The following ARL17B variants were observed in gnomAD, a reference collection of about 807,000 sequenced individuals.
ARL17B encodes the protein ARF like GTPase 17B, also known as ADP-ribosylation factor-like protein 17.
At chr17:46,284,206 G>T (rs950852500) in intron 4 of ARL17B, among the ~76,000 whole-genome samples, 10 of 152,206 alleles carry the variant, frequency 6.6e-5, no homozygotes, top group African/African-American at 2.4e-4. Flanking sequence ...CCCTTCCCAC[G>T]AGGCCATATT....
Position 46,293,078 on chromosome 17 carries a change from T to G in ARL17B, c.*21+6448A>C, listed in dbSNP as rs1177452620. The stretch of plus-strand genomic sequence containing the variant: ...AAGTGATTCTCCTACCTCAGCCTCC[T>G]GAGTAGCTGGGATTATAGACACGCG... On this transcript the variant is annotated intron_variant, in intron 4 of 4. Transcript: ENST00000570618. The G allele has an allele frequency of 4.1e-5, 2 of 48,666 alleles. 1 individual carries two copies. Among genetic ancestry groups the G allele is most frequent in the Non-Finnish European group, 1.2e-4 (2 of 16,486 alleles). The allele number at this position is 48,666 out of a possible 1,614,324, so 3.0% of individuals were successfully genotyped here. A position where few individuals can be genotyped will look rare whatever the true frequency, so the allele number is the denominator to read the frequency against.
rs1317058698 is a variant in ARL17B, at chr17:46,351,831, A to T, written c.259+989T>A. Among the ~76,000 whole-genome samples the T allele has an allele frequency of 2.6e-5, 4 of 152,344 alleles. No homozygotes were observed. In the East Asian group the frequency reaches 5.8e-4, roughly 22 times the overall value. ...ACTCCAAATAAATTCTAAAATGAGA[A>T]ATTTGTAGATTCCATATGGTTAATA... On this transcript the variant is annotated intron_variant, in intron 3 of 3. Transcript: ENST00000450673.
chr17:46,300,034 G>C (rs2050291186), intron 3 of ARL17B, among the ~76,000 whole-genome samples: 1 of 38,114 alleles, frequency 2.6e-5, no homozygotes, highest in African/African-American at 5.7e-5. Flanking sequence ...AATTTGGTAG[G>C]CTCTCTTTAA....
chr17:46,340,544 TTTTG>T (rs1476373886), intron 3 of ARL17B, among the ~76,000 whole-genome samples: 35 of 63,276 alleles, frequency 5.5e-4, no homozygotes, highest in Non-Finnish European at 7.8e-4. Context: ...TTTTTTTGTG[TTTTG>T]TTTGTTTGTT....
chr17:46,276,807 T>TTCTTTTTTTTTTTTTTTTC (rs1567848897), intron 4 of ARL17B, among the ~76,000 whole-genome samples: 1 of 149,604 alleles, frequency 6.7e-6, no homozygotes, highest in Non-Finnish European at 1.5e-5. Context: ...TTTTTTTTTT[T>TTCTTTTTTTTTTTTTTTTC]GATTTGTTTG....
intron 3 of ARL17B, among the ~76,000 whole-genome samples, chr17:46,350,575 A>AAG (rs1318918111): frequency 1.2e-5 from 1 of 81,588 alleles, no homozygotes; most frequent in Non-Finnish European, 3.2e-5. Flanking sequence ...AAAAAAAAAA[A>AAG]GGGGGGGGGA....
intron 4 of ARL17B, among the ~76,000 whole-genome samples, chr17:46,290,941 T>G (rs1349937971): frequency 1.3e-5 from 2 of 152,220 alleles, no homozygotes; most frequent in Non-Finnish European, 2.9e-5. Context: ...AACCCAGCCC[T>G]ATGCACCAAT....
chr17:46,361,666 GGA>G lies in ARL17B; in HGVS notation c.-18+8_-18+9del. ...GTGCTGCCGCCCCATCCCTGCAGCC[GGA>G]GACTCACCTGTTGCCACTCAAGGTA... is the stretch of plus-strand genomic sequence containing the variant. On this transcript the variant is annotated splice_region_variant and intron_variant, in intron 1 of 3. Transcript: ENST00000450673. 1 of 93,070 alleles carries G rather than the reference GGA, an allele frequency of 1.1e-5. No individual in the cohort carries two copies. Among genetic ancestry groups the G allele is most frequent in the South Asian group, 4.8e-4 (1 of 2,084 alleles). The allele number at this position is 93,070 out of a possible 1,614,324, so 5.8% of individuals were successfully genotyped here. A position where few individuals can be genotyped will look rare whatever the true frequency, so the allele number is the denominator to read the frequency against.
chr17:46,289,321 G>T (rs1325877920), intron 4 of ARL17B, among the ~76,000 whole-genome samples: 1 of 152,090 alleles, frequency 6.6e-6, no homozygotes, highest in African/African-American at 2.4e-5. Context: ...ATAGCTACAG[G>T]TGCTCACCAC....
intron 4 of ARL17B, among the ~76,000 whole-genome samples, chr17:46,288,166 T>C (rs1038048049): frequency 1.1e-4 from 17 of 151,970 alleles, no homozygotes; most frequent in African/African-American, 4.1e-4. Flanking sequence ...CTTTTTTCTT[T>C]TGTCTCGCTG....
intron 4 of ARL17B, among the ~76,000 whole-genome samples, chr17:46,277,622 A>ATTTCT (rs1302169028): frequency 2.7e-4 from 36 of 134,938 alleles, no homozygotes; most frequent in South Asian, 1.1e-3. Context: ...CTCTGGGTAG[A>ATTTCT]TTTCTTTTCT....
rs1458606409 is a variant in ARL17B, at chr17:46,315,318, A to G, written c.260-15653T>C. On this transcript the variant is annotated intron_variant, in intron 3 of 4. Coordinates refer to the ARL17B transcript ENST00000434041. Reference sequence around the variant, plus strand: ...GGTGGGAGGATTGCTTGACCCCAGGAGTTCAAGGCCAGCCAGGGCAACATA... The same window carrying G: ...GGTGGGAGGATTGCTTGACCCCAGGGGTTCAAGGCCAGCCAGGGCAACATA... Among the ~76,000 whole-genome samples, 13 of 89,152 alleles carry G rather than the reference A, an allele frequency of 1.5e-4. 3 individuals are homozygous for G. The highest frequency in any genetic ancestry group is 3.8e-4 in the African/African-American group (12 of 31,336). The allele number at this position is 89,152 out of a possible 152,430, so 58.5% of individuals were successfully genotyped here. A position where few individuals can be genotyped will look rare whatever the true frequency, so the allele number is the denominator to read the frequency against.
intron 4 of ARL17B, among the ~76,000 whole-genome samples, chr17:46,278,447 C>T (rs2049660255): frequency 6.6e-6 from 1 of 151,560 alleles, no homozygotes; most frequent in Admixed American, 6.6e-5. Context: ...CTCTGTCACC[C>T]AGGCTAGAGT....
At chr17:46,276,736 C>T (rs1392287624) in intron 4 of ARL17B, among the ~76,000 whole-genome samples, 1 of 151,654 alleles carries the variant, frequency 6.6e-6, no homozygotes, top group Non-Finnish European at 1.5e-5. Context: ...CCTAAAAATG[C>T]AACAGCAAGT....
At chr17:46,282,417 GTT>G (rs34484022) in intron 4 of ARL17B, among the ~76,000 whole-genome samples, 1 of 144,410 alleles carries the variant, frequency 6.9e-6, no homozygotes, top group Non-Finnish European at 1.5e-5. Context: ...TTTTTTGTTT[GTT>G]TTTTTTTTTT....
intron 3 of ARL17B, among the ~76,000 whole-genome samples, chr17:46,340,830 CTG>C (rs1286484846): frequency 2.5e-5 from 2 of 79,132 alleles, no homozygotes; most frequent in Non-Finnish European, 7.0e-5. Flanking sequence ...GCATGAGTCA[CTG>C]TGCCCCGCCA....
chr17:46,276,217 T>C (rs1250615178), intron 4 of ARL17B, among the ~76,000 whole-genome samples: 4 of 152,264 alleles, frequency 2.6e-5, no homozygotes, highest in Non-Finnish European at 2.9e-5. Flanking sequence ...TAAACCAAAT[T>C]ACTGTACAGT....
rs1339743491 is a variant in ARL17B, at chr17:46,324,669, TAG to T, written c.260-25006_260-25005del. Among the ~76,000 whole-genome samples, 7 of 11,218 alleles carry T rather than the reference TAG, an allele frequency of 6.2e-4. 1 individual carries two copies. Among genetic ancestry groups the T allele is most frequent in the East Asian group, 0.05 (1 of 20 alleles). The allele number at this position is 11,218 out of a possible 152,430, so 7.4% of individuals were successfully genotyped here. A position where few individuals can be genotyped will look rare whatever the true frequency, so the allele number is the denominator to read the frequency against. On this transcript the variant is annotated intron_variant, in intron 3 of 4. Coordinates refer to the ARL17B transcript ENST00000434041. Reference sequence around the variant, plus strand: ...TGGCCTTCTTTGCAGGATATATATATAGATATAGATATATATATAAATCAGCC... The same window carrying T: ...TGGCCTTCTTTGCAGGATATATATATATATAGATATATATATAAATCAGCC...
At chr17:46,305,013 C>CCCT in intron 3 of ARL17B, among the ~76,000 whole-genome samples, 2 of 85,020 alleles carry the variant, frequency 2.4e-5, no homozygotes, top group East Asian at 6.1e-4. Context: ...GGACTACAGG[C>CCCT]ACGTGCCACT....
Sources: gnomAD v4.1 joint callset for allele counts (sites outside exome capture counted in the v4.1 genomes callset) on GRCh38, gnomAD v4.1.1 for gene constraint, MANE v1.5 for transcripts, NCBI Gene and HGNC (gene_info 2026-07-23, HGNC 2026-07-21) for gene names.